The following FANCA variants were observed in gnomAD, a reference collection of about 807,000 sequenced individuals.
The protein encoded by FANCA is FA complementation group A.
Under a neutral mutation model 194.3 loss-of-function variants are expected in FANCA, and 236 were observed. The observed-to-expected ratio is 1.21, with a 90% CI of 1.09 to 1.35. The LOEUF (loss-of-function observed/expected upper bound fraction) is 1.35, where lower values mean the gene tolerates loss of function less well. FANCA is among the 40% of genes most tolerant of loss of function. The pLI is 0.00. For synonymous variants in FANCA, 1,014 were observed against 715.8 expected (o/e 1.42, Z -6.65); for missense variants, 2,628 against 1,813.9 (o/e 1.45, Z -8.15).
chr16:89,773,637 G>C lies in FANCA; in HGVS notation c.1901-253C>G, dbSNP rs140405888. On this transcript the variant is annotated intron_variant, in intron 21 of 42. Transcript: ENST00000389301. ...ATAAACAAGTTTAAGAAAAAAAGCG[G>C]TTCTGTGTGCACCATCAATACCACT... Among the ~76,000 whole-genome samples the C allele has an allele frequency of 3.0e-3, 451 of 152,106 alleles. 5 individuals are homozygous for C. The highest frequency in any genetic ancestry group is 0.01 in the African/African-American group (416 of 41,494).
intron 33 of FANCA, 30 bp downstream of exon 33, chr16:89,748,629 C>G (rs770060349): frequency 5.2e-6 from 8 of 1,549,538 alleles, no homozygotes; most frequent in Non-Finnish European, 7.1e-6. Context: ...ACTGACAGAT[C>G]GGACGGACAC....
intron 20 of FANCA, 32 bp downstream of exon 20, chr16:89,778,769 G>C (rs753688284): frequency 6.3e-7 from 1 of 1,588,104 alleles, no homozygotes; most frequent in Non-Finnish European, 8.6e-7. Flanking sequence ...AAACCTGGAA[G>C]TAGTCATCCC....
chr16:89,749,548 C>T (rs904738783), intron 32 of FANCA, among the ~76,000 whole-genome samples, 182 bp downstream of exon 32: 2 of 152,204 alleles, frequency 1.3e-5, no homozygotes, highest in African/African-American at 2.4e-5. Context: ...ATCAAAAGTA[C>T]TTTCAACCCT....
intron 18 of FANCA, 49 bp from the exon 19 acceptor site, chr16:89,779,052 C>T: frequency 6.4e-7 from 1 of 1,565,538 alleles, no homozygotes; most frequent in Non-Finnish European, 8.8e-7. Context: ...AGCGAGAAGG[C>T]AATTCCCACA....
chr16:89,745,487 C>T (rs74327966), intron 35 of FANCA, among the ~76,000 whole-genome samples: 1 of 138,200 alleles, frequency 7.2e-6, no homozygotes, highest in African/African-American at 2.9e-5. Flanking sequence ...GGACCACACT[C>T]CTCTGAGCTG....
intron 3 of FANCA, among the ~76,000 whole-genome samples, chr16:89,812,797 G>C (rs1367537982): frequency 4.0e-5 from 6 of 151,888 alleles, no homozygotes. Flanking sequence ...CACTGCAGGA[G>C]GCCGAGGCGG....
chr16:89,751,297 C>T (rs1297256555), intron 31 of FANCA, among the ~76,000 whole-genome samples: 1 of 151,992 alleles, frequency 6.6e-6, no homozygotes, highest in Non-Finnish European at 1.5e-5. Flanking sequence ...CCCAGGAGTT[C>T]GAGACAAGCC....
chr16:89,738,977 A>G lies in FANCA; in HGVS notation c.4168-3T>C, dbSNP rs1598050574. 1.2e-6 allele frequency: 2 copies of G among 1,614,232 alleles called. No individual in the cohort carries two copies. The highest frequency in any genetic ancestry group is 1.7e-6 in the Non-Finnish European group (2 of 1,180,036). ...GTTATCAGTTCCACGGGGTTGCCCTAGAGAGAAAACAGGCAAACTCACAGG... is the reference window on the plus strand; with the variant it reads ...GTTATCAGTTCCACGGGGTTGCCCTGGAGAGAAAACAGGCAAACTCACAGG... On this transcript the variant is annotated splice_polypyrimidine_tract_variant and splice_region_variant and intron_variant, in intron 41 of 42. Transcript: ENST00000389301.
intron 30 of FANCA, among the ~76,000 whole-genome samples, chr16:89,753,373 A>G (rs1414787456): frequency 6.6e-6 from 1 of 152,192 alleles, no homozygotes; most frequent in Non-Finnish European, 1.5e-5. Context: ...CTTTTCTCTT[A>G]TCTCTGTCTT....
At chr16:89,776,174 T>C (rs1329524330) in intron 20 of FANCA, among the ~76,000 whole-genome samples, 1 of 141,118 alleles carries the variant, frequency 7.1e-6, no homozygotes, top group Admixed American at 7.1e-5. Flanking sequence ...TTTTTTTTTT[T>C]TTTTTTTTTT....
At chr16:89,798,243 C>T (rs1364211659) in intron 10 of FANCA, 2 of 714,962 alleles carry the variant, frequency 2.8e-6, no homozygotes, top group Non-Finnish European at 3.5e-6. Context: ...CTAGGGGCAC[C>T]CTGACCTCCA....
chr16:89,815,784 C>A (rs2041089511), intron 2 of FANCA, 93 bp downstream of exon 2: 10 of 1,065,402 alleles, frequency 9.4e-6, no homozygotes, highest in Non-Finnish European at 1.5e-5. Context: ...GCGCCCGCCG[C>A]CTCGGGTGTT....
At chr16:89,788,007 G>C (rs561051638) in intron 14 of FANCA, among the ~76,000 whole-genome samples, 1 of 151,806 alleles carries the variant, frequency 6.6e-6, no homozygotes, top group South Asian at 2.1e-4. Flanking sequence ...CTGAGTAGCT[G>C]GGATTACAGG....
At chr16:89,779,817 G>C in intron 18 of FANCA, 52 bp downstream of exon 18, 1 of 1,467,358 alleles carries the variant, frequency 6.8e-7, no homozygotes, top group Non-Finnish European at 9.5e-7. Context: ...GCATCAGAGC[G>C]CGGTCTGCAC....
intron 2 of FANCA, among the ~76,000 whole-genome samples, chr16:89,815,342 T>A (rs2041065548): frequency 5.0e-5 from 2 of 40,226 alleles, no homozygotes; most frequent in Admixed American, 2.7e-4. Flanking sequence ...CGGCTTTTTT[T>A]TTTTTTTTTT....
rs113591398 is a variant in FANCA, at chr16:89,795,356, C to G, written c.1006+550G>C. On this transcript the variant is annotated intron_variant, in intron 11 of 42. Coordinates refer to ENST00000389301, the MANE Select transcript of FANCA (RefSeq NM_000135.4). ...AGATATTTCTATTTTACGCTGGGTG[C>G]GGTGGCTCACACCTGTAATCCCAAC... Among the ~76,000 whole-genome samples, 913 of 151,582 alleles carry G rather than the reference C, an allele frequency of 6.0e-3. 7 individuals carry two copies. The highest frequency in any genetic ancestry group is 0.021 in the African/African-American group (865 of 41,340).
Position 89,792,478 on chromosome 16 carries a change from T to C in FANCA, c.1076A>G (p.Tyr359Cys), listed in dbSNP as rs776751315. ...AATACCACATCCACTCACCCTGCGG[T>C]ACAGTGAGGTGAGCAGAGGGTGTGT... ...ARTHPLLTSL[Y>C]RRLFVMLSAE... The change falls in exon 12 of 43, where the codon TAC (tyrosine) becomes TGC (cysteine). Residue 359 changes from tyrosine to cysteine, a missense_variant. Tyr to Cys is a radical substitution (Grantham distance 194). Transcript: ENST00000389301. 5.6e-6 allele frequency: 9 copies of C among 1,613,268 alleles called. No homozygotes were observed. The Admixed American group carries it at 1.5e-4, about 27-fold the overall frequency.
chr16:89,812,660 A>AAAAAAAAAAAAAAAC (rs2040938378), intron 3 of FANCA, among the ~76,000 whole-genome samples: 1 of 149,538 alleles, frequency 6.7e-6, no homozygotes, highest in East Asian at 1.9e-4. Flanking sequence ...AAAAAAAAAA[A>AAAAAAAAAAAAAAAC]AAAAAAAAAA....
rs1302958674 is a variant in FANCA at position 89,792,498 on chromosome 16, G to A, written c.1056C>T (p.His352=). 1.9e-6 allele frequency: 3 copies of A among 1,613,486 alleles called. No homozygotes were observed. The highest frequency in any genetic ancestry group is 1.1e-5 in the South Asian group (1 of 91,044). The change falls in exon 12 of 43, where the codon CAC becomes CAT. Residue 352 remains histidine (H), a synonymous_variant. Coordinates refer to ENST00000389301, the MANE Select transcript of FANCA (RefSeq NM_000135.4). ...TGCGGTACAGTGAGGTGAGCAGAGG[G>A]TGTGTCCGCGCAAAGCTCCACTCTC... ...MQREWSFART[H]PLLTSLYRRL...
Sources: allele counts gnomAD v4.1 joint callset (sites outside exome capture counted in the v4.1 genomes callset), GRCh38; gene constraint gnomAD v4.1.1; transcripts MANE v1.5; gene names NCBI Gene and HGNC (gene_info 2026-07-23, HGNC 2026-07-21).